MAGI3: variants seen among roughly 807,000 people sequenced by gnomAD.
The protein encoded by MAGI3 is membrane-associated guanylate kinase, WW and PDZ domain-containing protein 3.
A neutral mutation model predicts 121.8 loss-of-function variants in MAGI3; 43 were observed. The ratio of observed to expected loss-of-function variants is 0.35; its 90% CI spans 0.28 to 0.46. MAGI3 has a LOEUF of 0.46. Ranked by LOEUF, MAGI3 falls within the 20% of genes least tolerant of loss-of-function variation. MAGI3 has a pLI of 1.00. For missense variants in MAGI3, 1,547 were observed against 1,797.3 expected (o/e 0.86, Z 2.52); for synonymous variants, 553 against 639.3 (o/e 0.86, Z 2.04).
chr1:113,634,942 C>T lies in MAGI3; in HGVS notation c.1361-6969C>T, dbSNP rs1461672527. Among the ~76,000 whole-genome samples the T allele has an allele frequency of 2.0e-5, 3 of 152,022 alleles. 1 individual carries two copies. The highest frequency in any genetic ancestry group is 7.3e-5 in the African/African-American group (3 of 41,372). ...GGTTTGTAGTTCTCCTTGAAGAGGT[C>T]CTTCACGTCCCTTGTAAGTTGGATT... On this transcript the variant is annotated intron_variant, in intron 9 of 20. Coordinates refer to ENST00000307546, the MANE Select transcript of MAGI3 (RefSeq NM_001142782.2).
At chr1:113,450,447 G>C (rs1570693876) in intron 1 of MAGI3, 3 of 1,118,104 alleles carry the variant, frequency 2.7e-6, no homozygotes, top group South Asian at 2.5e-5. Flanking sequence ...GGTTATAGTA[G>C]TAGAGGGGGC....
intron 1 of MAGI3, among the ~76,000 whole-genome samples, chr1:113,431,182 G>C (rs1653281429): frequency 6.6e-6 from 1 of 152,148 alleles, no homozygotes; most frequent in Non-Finnish European, 1.5e-5. Context: ...ACCTGGCATG[G>C]TGGTGTATGC....
At chr1:113,476,412 G>T (rs1024624774) in intron 1 of MAGI3, among the ~76,000 whole-genome samples, 2 of 152,122 alleles carry the variant, frequency 1.3e-5, no homozygotes, top group African/African-American at 4.8e-5. Flanking sequence ...AGAGATTCTG[G>T]TAAGTTGTAT....
chr1:113,490,417 G>A (rs1277105021), intron 1 of MAGI3, among the ~76,000 whole-genome samples: 1 of 152,210 alleles, frequency 6.6e-6, no homozygotes, highest in Admixed American at 6.5e-5. Flanking sequence ...ACTGTTACCA[G>A]CCACTACAAA....
chr1:113,634,175 A>G (rs183648767), intron 9 of MAGI3, among the ~76,000 whole-genome samples: 82 of 152,238 alleles, frequency 5.4e-4, no homozygotes, highest in African/African-American at 1.8e-3. Context: ...ATTTTCTCCC[A>G]TTTTGTAGGC....
intron 1 of MAGI3, among the ~76,000 whole-genome samples, chr1:113,527,529 G>A (rs1658510524): frequency 6.6e-6 from 1 of 152,182 alleles, no homozygotes; most frequent in Non-Finnish European, 1.5e-5. Flanking sequence ...AAAACTTGGT[G>A]CCAAATGGAA....
At chr1:113,669,074 T>TTGTACC (rs758732152) in intron 16 of MAGI3, among the ~76,000 whole-genome samples, 191 of 152,336 alleles carry the variant, frequency 1.3e-3, no homozygotes, top group Non-Finnish European at 2.3e-3. Flanking sequence ...CTTGACCACA[T>TTGTACC]GCAAAGGTAC....
In MAGI3 at chr1:113,450,394, A is replaced by G. The variant is rs1454508320; in HGVS notation, c.316+59045A>G. On this transcript the variant is annotated intron_variant, in intron 1 of 20. Transcript: ENST00000307546. The stretch of plus-strand genomic sequence containing the variant: ...AGTTATGGAGGAGGTGATGGTGGAT[A>G]TAATGGATTTGGAGGTGATGGTGGC... The G allele has an allele frequency of 8.0e-6, 9 of 1,125,536 alleles. No individual in the cohort carries two copies. In the African/African-American group the frequency reaches 1.4e-4, roughly 17 times the overall value. The allele number at this position is 1,125,536 out of a possible 1,614,324, so 69.7% of individuals were successfully genotyped here.
At chr1:113,394,804 G>A (rs1394756565) in intron 1 of MAGI3, among the ~76,000 whole-genome samples, 1 of 152,136 alleles carries the variant, frequency 6.6e-6, no homozygotes, top group East Asian at 1.9e-4. Flanking sequence ...TAAGCAAGTA[G>A]TGTATCCAGG....
chr1:113,438,346 T>C (rs1037487232), intron 1 of MAGI3, among the ~76,000 whole-genome samples: 10 of 152,200 alleles, frequency 6.6e-5, no homozygotes, highest in Non-Finnish European at 1.0e-4. Context: ...ATTCGATTGC[T>C]GGCAATCAGA....
Position 113,391,194 on chromosome 1 carries a change from G to T in MAGI3, c.161G>T (p.Gly54Val). Residue 54 changes from glycine (G) to valine (V), a missense_variant, in exon 1 of 21, where the codon GGG becomes GTG. By Grantham distance (109) the Gly-to-Val change is moderately radical. Transcript: ENST00000307546. This position sits in a 1 kb window ranked among gnomAD's most constrained non-coding sequence, Gnocchi z 4.4. ...GGGCGGCTCCGCGAGGAGCCCGGCGGGGGCACCTGCTGCGTCGTCTCGGGC... is the reference window on the plus strand; with the variant it reads ...GGGCGGCTCCGCGAGGAGCCCGGCGTGGGCACCTGCTGCGTCGTCTCGGGC... ...YLGRLREEPG[G>V]GTCCVVSGKA... is the part of the protein sequence containing the mutation. The T allele has an allele frequency of 5.8e-6, 9 of 1,551,958 alleles. No individual in the cohort carries two copies. Among genetic ancestry groups the T allele is most frequent in the Non-Finnish European group, 7.8e-6 (9 of 1,148,142 alleles).
chr1:113,485,176 C>T (rs1314017010), intron 1 of MAGI3, among the ~76,000 whole-genome samples: 2 of 152,106 alleles, frequency 1.3e-5, no homozygotes, highest in East Asian at 3.9e-4. Context: ...TGGATAGATA[C>T]CTAGTAGTGG....
At chr1:113,504,461 T>G (rs1434801136) in intron 1 of MAGI3, among the ~76,000 whole-genome samples, 1 of 152,064 alleles carries the variant, frequency 6.6e-6, no homozygotes, top group Non-Finnish European at 1.5e-5. Context: ...CAAAAGATGC[T>G]CAGACTTATT....
At chr1:113,676,709 TCTAG>T (rs1015374555) in intron 19 of MAGI3, among the ~76,000 whole-genome samples, 1 of 152,132 alleles carries the variant, frequency 6.6e-6, no homozygotes, top group African/African-American at 2.4e-5. Flanking sequence ...AGAGTTTATC[TCTAG>T]CTGACACTCG....
At chr1:113,667,103 T>A (rs1654078737) in intron 16 of MAGI3, among the ~76,000 whole-genome samples, 1 of 152,202 alleles carries the variant, frequency 6.6e-6, no homozygotes, top group Non-Finnish European at 1.5e-5. Context: ...TTAAGGGCCC[T>A]AAGATTTTTG....
chr1:113,643,606 C>T, intron 10 of MAGI3, 137 bp from the exon 11 acceptor site: 1 of 728,404 alleles, frequency 1.4e-6, no homozygotes, highest in East Asian at 2.6e-5. Flanking sequence ...ATGTATAATG[C>T]CTGGTACATA....
At chr1:113,682,085 TTC>T (rs1228880432) in intron 20 of MAGI3, 17 of 1,119,556 alleles carry the variant, frequency 1.5e-5, no homozygotes, top group Non-Finnish European at 1.9e-5. Context: ...CAGCTTATGA[TTC>T]TCTGACTGTA....
chr1:113,651,194 A>T lies in MAGI3; in HGVS notation c.2428A>T (p.Ile810Phe). 6.2e-7 allele frequency: 1 copy of T among 1,611,778 alleles called. No individual in the cohort carries two copies. Among genetic ancestry groups the T allele is most frequent in the East Asian group, 2.2e-5 (1 of 44,840 alleles). The change falls in exon 14 of 21, where the codon ATC becomes TTC. Residue 810 changes from isoleucine (I) to phenylalanine (F), a missense_variant. Coordinates refer to ENST00000307546, the MANE Select transcript of MAGI3 (RefSeq NM_001142782.2). ...TGTGTTACTAACTGTCAGACGGAAGATCTTCTATGGAGGTGTGTGAACTTG... is the reference window on the plus strand; with the variant it reads ...TGTGTTACTAACTGTCAGACGGAAGTTCTTCTATGGAGGTGTGTGAACTTG... ...GHVLLTVRRK[I>F]FYGEKQPEDD...
At chr1:113,635,904 G>A (rs1474955340) in intron 9 of MAGI3, among the ~76,000 whole-genome samples, 1 of 151,826 alleles carries the variant, frequency 6.6e-6, no homozygotes, top group Non-Finnish European at 1.5e-5. Context: ...CAATTTCAGA[G>A]CCTGTTATTC....
Sources: gnomAD v4.1 joint callset for allele counts (sites outside exome capture counted in the v4.1 genomes callset) on GRCh38, gnomAD v4.1.1 for gene constraint, Gnocchi (gnomAD v3.1) non-coding constraint, MANE v1.5 for transcripts, NCBI Gene and HGNC (gene_info 2026-07-23, HGNC 2026-07-21) for gene names.